Variants in PTGER3 observed in about 807,000 individuals in gnomAD.
PTGER3 encodes the protein prostaglandin E receptor 3, also known as prostaglandin E2 receptor EP3 subtype.
Under a neutral mutation model 34.7 loss-of-function variants are expected in PTGER3, and 22 were observed. That is an observed-to-expected ratio of 0.63 (90% CI 0.45 to 0.91). PTGER3 has a LOEUF of 0.91. Among genes scored for constraint, PTGER3 ranks in the 40% least tolerant of loss-of-function variants. The pLI, the probability that PTGER3 is intolerant of heterozygous loss-of-function variation, is 0.00. For missense variants in PTGER3, 468 were observed against 519.4 expected (o/e 0.90, Z 0.96); for synonymous variants, 241 against 230.1 (o/e 1.05, Z -0.43).
At chr1:71,034,764 T>A (rs1008614935) in intron 1 of PTGER3, among the ~76,000 whole-genome samples, 3 of 152,228 alleles carry the variant, frequency 2.0e-5, no homozygotes, top group African/African-American at 7.2e-5. Context: ...TTCTAAGGCA[T>A]CATGGCATGG....
chr1:70,964,034 C>A (rs1652247934), intron 2 of PTGER3, among the ~76,000 whole-genome samples: 1 of 152,288 alleles, frequency 6.6e-6, no homozygotes, highest in Admixed American at 6.5e-5. Flanking sequence ...TAAAGCACAG[C>A]AAAAGTCACC....
intron 1 of PTGER3, among the ~76,000 whole-genome samples, chr1:71,026,960 C>T (rs1307989625): frequency 6.6e-6 from 1 of 152,116 alleles, no homozygotes. Context: ...CACAGGCTCC[C>T]AGGCTCCTGT....
chr1:70,943,912 C>A (rs188031962), intron 4 of PTGER3, among the ~76,000 whole-genome samples: 1 of 151,076 alleles, frequency 6.6e-6, no homozygotes, highest in South Asian at 2.1e-4. Flanking sequence ...TTTCTCATTT[C>A]GGTTCCTTAT....
chr1:71,038,853 C>T (rs1660044494), intron 1 of PTGER3, among the ~76,000 whole-genome samples: 1 of 152,168 alleles, frequency 6.6e-6, no homozygotes, highest in Non-Finnish European at 1.5e-5. Context: ...TGTTCAGTCC[C>T]AACATTTCTA....
intron 2 of PTGER3, among the ~76,000 whole-genome samples, chr1:70,963,007 T>C (rs1382411474): frequency 6.6e-6 from 1 of 152,176 alleles, no homozygotes; most frequent in African/African-American, 2.4e-5. Flanking sequence ...ATTTGGTAAA[T>C]ACAGCTATTC....
At chr1:70,927,849 A>G (rs1470419018) in intron 4 of PTGER3, among the ~76,000 whole-genome samples, 1 of 152,130 alleles carries the variant, frequency 6.6e-6, no homozygotes, top group African/African-American at 2.4e-5. Flanking sequence ...ATTGTAACTG[A>G]CACACAGAGG....
chr1:70,989,039 C>A (rs571591566), intron 2 of PTGER3, among the ~76,000 whole-genome samples: 1 of 152,072 alleles, frequency 6.6e-6, no homozygotes, highest in Admixed American at 6.6e-5. Context: ...AATTCCCCCC[C>A]CAAAACTTGT....
Position 70,971,671 on chromosome 1 carries a change from G to A in PTGER3, c.*59C>T, listed in dbSNP as rs773848755. 4.5e-5 allele frequency: 69 copies of A among 1,545,104 alleles called. 1 individual carries two copies. The highest frequency in any genetic ancestry group is 5.6e-5 in the Non-Finnish European group (64 of 1,148,654). On this transcript the variant is annotated 3_prime_UTR_variant, in exon 4 of 4. Coordinates refer to ENST00000306666, the MANE Select transcript of PTGER3 (RefSeq NM_198719.2). ...TATAATTATCCTTCTCAGGTGGGAA[G>A]AAATATGCAAATTCAGGGAAGCAGG...
intron 4 of PTGER3, among the ~76,000 whole-genome samples, chr1:70,910,167 C>G (rs1012921618): frequency 5.9e-5 from 9 of 152,122 alleles, no homozygotes; most frequent in Non-Finnish European, 8.8e-5. Context: ...GAAAGTACTT[C>G]TCTAGGAAAA....
In PTGER3 at chr1:71,047,416, G is replaced by C; in HGVS notation, c.162C>G (p.Phe54Leu). The change falls in exon 1 of 4, where the codon TTC becomes TTG. Residue 54 changes from phenylalanine to leucine, a missense_variant. By Grantham distance (22) the Phe-to-Leu change is conservative. Transcript: ENST00000306666. ...GEDCGSVSVAFPITMLLTGFV... is the reference protein window; with the variant it reads ...GEDCGSVSVALPITMLLTGFV... ...AACCAGTGAGCAGCATGGTGATCGG[G>C]AAGGCCACGGACACCGATCCGCAAT... is the stretch of plus-strand genomic sequence containing the variant. 1 of 1,611,736 alleles carries C rather than the reference G, an allele frequency of 6.2e-7. No individual in the cohort carries two copies. Among genetic ancestry groups the C allele is most frequent in the Non-Finnish European group, 8.5e-7 (1 of 1,179,706 alleles).
chr1:71,032,610 A>T (rs1659504889), intron 1 of PTGER3, among the ~76,000 whole-genome samples: 1 of 152,226 alleles, frequency 6.6e-6, no homozygotes, highest in Non-Finnish European at 1.5e-5. Flanking sequence ...GGATTCTGAT[A>T]CATAGCAAGA....
intron 4 of PTGER3, among the ~76,000 whole-genome samples, chr1:70,892,498 A>T (rs544413639): frequency 1.8e-3 from 274 of 152,274 alleles, no homozygotes; most frequent in African/African-American, 6.1e-3. Flanking sequence ...GATAGATTGT[A>T]CTAGCTATTC....
chr1:70,936,397 A>G (rs971034716), intron 4 of PTGER3, among the ~76,000 whole-genome samples: 2 of 152,212 alleles, frequency 1.3e-5, no homozygotes, highest in African/African-American at 4.8e-5. Context: ...GCAATGTTTT[A>G]TTCATTAATT....
chr1:70,975,269 T>G (rs1447565973), intron 2 of PTGER3, among the ~76,000 whole-genome samples: 1 of 152,158 alleles, frequency 6.6e-6, no homozygotes, highest in East Asian at 1.9e-4. Flanking sequence ...GAGTGGACAA[T>G]GCTGCACAGC....
intron 2 of PTGER3, among the ~76,000 whole-genome samples, chr1:70,978,318 C>G (rs1572832047): frequency 1.3e-5 from 2 of 152,236 alleles, no homozygotes; most frequent in East Asian, 3.9e-4. Flanking sequence ...AAACCTCCCC[C>G]CACTTTTTAT....
chr1:71,005,925 G>A (rs1385392768), intron 2 of PTGER3: 7 of 766,276 alleles, frequency 9.1e-6, no homozygotes, highest in Non-Finnish European at 1.1e-5. Context: ...GCAGGGCACA[G>A]AGCGATGTTT....
At chr1:70,955,467 GA>G (rs2100602699) in intron 2 of PTGER3, among the ~76,000 whole-genome samples, 1 of 152,234 alleles carries the variant, frequency 6.6e-6, no homozygotes, top group East Asian at 1.9e-4. Context: ...TTCAAAGAGA[GA>G]AAGCGAGAAA....
At chr1:70,933,366 C>T (rs1272040940) in intron 4 of PTGER3, among the ~76,000 whole-genome samples, 1 of 152,102 alleles carries the variant, frequency 6.6e-6, no homozygotes, top group African/African-American at 2.4e-5. Context: ...TTTCCTCCAC[C>T]CTATCATAAA....
intron 1 of PTGER3, among the ~76,000 whole-genome samples, chr1:71,036,092 G>C (rs1214428650): frequency 6.6e-6 from 1 of 152,192 alleles, no homozygotes; most frequent in Non-Finnish European, 1.5e-5. Flanking sequence ...AGAAGTTTCA[G>C]AAGAATTACT....
Sources: allele counts gnomAD v4.1 joint callset (sites outside exome capture counted in the v4.1 genomes callset), GRCh38; gene constraint gnomAD v4.1.1; transcripts MANE v1.5; gene names NCBI Gene and HGNC (gene_info 2026-07-23, HGNC 2026-07-21).